Variants in ZNF350 observed in about 807,000 individuals in gnomAD.
The protein encoded by ZNF350 is zinc finger protein 350, also known as KRAB zinc finger protein ZFQR.
Under a neutral mutation model 13.1 loss-of-function variants are expected in ZNF350, and 5 were observed. The ratio of observed to expected loss-of-function variants is 0.38; its 90% CI spans 0.20 to 0.80. The LOEUF is 0.80. ZNF350 is among the 30% of genes least tolerant of loss of function. ZNF350 has a pLI of 0.43. For missense variants in ZNF350, 534 were observed against 644.2 expected (o/e 0.83, Z 1.85); for synonymous variants, 199 against 224.2 (o/e 0.89, Z 1.00).
rs569505051 is a variant in ZNF350 at position 51,964,872 on chromosome 19, A to G, written c.1581T>C (p.Tyr527=). ...TTTCTTCCTATGGGTTTTCTGTAAC[A>G]TAAAATAAGACATAATTGATCACGG... ...VPSVINYVLF[Y]VTENP Residue 527 remains tyrosine (Y), a synonymous_variant, in exon 5 of 5, where the codon TAT becomes TAC. Transcript: ENST00000243644. 1.2e-5 allele frequency: 20 copies of G among 1,608,082 alleles called. No individual in the cohort carries two copies. In the East Asian group the frequency reaches 3.1e-4, roughly 25 times the overall value.
rs1322889405 is a variant in ZNF350, at chr19:51,966,273, G to GT, written c.239-60dup. On this transcript the variant is annotated intron_variant, in intron 4 of 4. Transcript: ENST00000243644. ...AGATTTGGGGTAAAAGTTTGTTGTG[G>GT]TTTTTTTGTTTTTTTTGTTTTTTTT... The GT allele has an allele frequency of 5.3e-5, 77 of 1,457,572 alleles. No homozygotes were observed. In the African/African-American group the frequency reaches 7.9e-4, roughly 15 times the overall value. 90.3% of individuals were successfully genotyped at this position (1,457,572 alleles called of 1,614,324 possible).
intron 1 of ZNF350, among the ~76,000 whole-genome samples, chr19:51,982,842 A>G: frequency 6.6e-6 from 1 of 152,206 alleles, no homozygotes; most frequent in Non-Finnish European, 1.5e-5. Context: ...GCACATATAG[A>G]GACTCAATGG....
chr19:51,979,451 A>G (rs1328495051), intron 1 of ZNF350, among the ~76,000 whole-genome samples: 1 of 152,180 alleles, frequency 6.6e-6, no homozygotes. Flanking sequence ...GTCATTAATT[A>G]TACCACTCCA....
chr19:51,983,913 A>C (rs2086113088), intron 1 of ZNF350: 1 of 152,252 alleles, frequency 6.6e-6, no homozygotes, highest in African/African-American at 2.4e-5. Flanking sequence ...CTTGCAAAAA[A>C]TACCCACAGG....
chr19:51,985,761 C>T (rs1351989356), intron 1 of ZNF350, among the ~76,000 whole-genome samples: 1 of 152,144 alleles, frequency 6.6e-6, no homozygotes, highest in Non-Finnish European at 1.5e-5. Flanking sequence ...AATCCCAGCA[C>T]TTTGGAAAGC....
intron 1 of ZNF350, among the ~76,000 whole-genome samples, chr19:51,984,756 A>G (rs1179469697): frequency 6.6e-6 from 1 of 152,198 alleles, no homozygotes; most frequent in Non-Finnish European, 1.5e-5. Flanking sequence ...AGACTGTAAA[A>G]CAAAAAGCAA....
At chr19:51,967,846 T>C (rs2085622624) in intron 4 of ZNF350, among the ~76,000 whole-genome samples, 1 of 152,134 alleles carries the variant, frequency 6.6e-6, no homozygotes, top group Non-Finnish European at 1.5e-5. Flanking sequence ...AATGGTTTTC[T>C]TGGAGGAAAG....
intron 1 of ZNF350, chr19:51,981,324 T>A (rs772910729): frequency 5.9e-5 from 9 of 151,300 alleles, no homozygotes; most frequent in Non-Finnish European, 1.2e-4. Context: ...AGGGCCCTTG[T>A]CCACTAGAGG....
In ZNF350 at chr19:51,965,049, G is replaced by A; in HGVS notation, c.1404C>T (p.Ala468=). Residue 468 remains alanine (A), a synonymous_variant, in exon 5 of 5, where the codon GCC becomes GCT. Coordinates refer to ENST00000243644, the MANE Select transcript of ZNF350 (RefSeq NM_021632.4). ...CGCTGATGTTTAATGATGTCTGAGG[G>A]GCCACAGAAGGCACTTGTGTAGTCG... ...NGATTQVPSV[A]PQTSLNISGL... The A allele has an allele frequency of 6.2e-7, 1 of 1,614,106 alleles. No individual in the cohort carries two copies. The highest frequency in any genetic ancestry group is 8.5e-7 in the Non-Finnish European group (1 of 1,180,018).
rs144494899 is a variant in ZNF350, at chr19:51,966,398, C to T, written c.239-184G>A. The stretch of plus-strand genomic sequence containing the variant: ...TCCCGGGTTCAAGGGATTCTCCTGC[C>T]TCAGCCTCCCAAGTTGCTGGGATTA... On this transcript the variant is annotated intron_variant, in intron 4 of 4. Coordinates refer to ENST00000243644, the MANE Select transcript of ZNF350 (RefSeq NM_021632.4). Among the ~76,000 whole-genome samples the T allele has an allele frequency of 4.0e-3, 599 of 151,594 alleles. 4 individuals are homozygous for T. The highest frequency in any genetic ancestry group is 0.014 in the African/African-American group (579 of 41,290).
chr19:51,975,775 C>G (rs973684528), intron 1 of ZNF350, among the ~76,000 whole-genome samples: 1 of 152,254 alleles, frequency 6.6e-6, no homozygotes, highest in Non-Finnish European at 1.5e-5. Context: ...GAGTCTCACT[C>G]TGTCGCCCAG....
intron 1 of ZNF350, among the ~76,000 whole-genome samples, chr19:51,979,898 G>C (rs932357159): frequency 1.3e-5 from 2 of 152,220 alleles, no homozygotes; most frequent in African/African-American, 4.8e-5. Context: ...GCTTGGCATG[G>C]AGCAGGCTTT....
intron 1 of ZNF350, among the ~76,000 whole-genome samples, chr19:51,983,832 C>T (rs185399423): frequency 2.3e-3 from 343 of 152,272 alleles, no homozygotes; most frequent in Non-Finnish European, 3.6e-3. Context: ...ACACCAGTCC[C>T]CTGGGCCCAC....
intron 2 of ZNF350, among the ~76,000 whole-genome samples, chr19:51,970,210 C>T (rs1052787895): frequency 1.3e-4 from 19 of 151,752 alleles, no homozygotes; most frequent in Non-Finnish European, 2.5e-4. Context: ...TACAGGTGCC[C>T]GCCACCACAA....
intron 2 of ZNF350, among the ~76,000 whole-genome samples, chr19:51,971,615 G>A (rs1233180923): frequency 6.6e-6 from 1 of 152,192 alleles, no homozygotes; most frequent in Non-Finnish European, 1.5e-5. Flanking sequence ...AGAGAATGTA[G>A]TCTTGCAAGC....
In ZNF350 at chr19:51,974,522, G is replaced by T. The variant is rs916280207; in HGVS notation, c.-162C>A. The T allele has an allele frequency of 1.4e-5, 11 of 812,092 alleles. No individual in the cohort carries two copies. The highest frequency in any genetic ancestry group is 1.8e-5 in the Non-Finnish European group (9 of 503,908). 50.3% of individuals were successfully genotyped at this position (812,092 alleles called of 1,614,324 possible). Reference sequence around the variant, plus strand: ...TCAGGTTATGTTTTTTGCTCCTGAGGAGTCAGAACCTGTGGGTTGAAGAGC... The same window carrying T: ...TCAGGTTATGTTTTTTGCTCCTGAGTAGTCAGAACCTGTGGGTTGAAGAGC... On this transcript the variant is annotated 5_prime_UTR_variant, in exon 2 of 5. Coordinates refer to ENST00000243644, the MANE Select transcript of ZNF350 (RefSeq NM_021632.4).
chr19:51,978,411 C>T (rs1473773341), intron 1 of ZNF350, among the ~76,000 whole-genome samples: 1 of 152,136 alleles, frequency 6.6e-6, no homozygotes, highest in Non-Finnish European at 1.5e-5. Flanking sequence ...TGACTGACTC[C>T]GATTATGAAG....
rs2085830369 is a variant in ZNF350, at chr19:51,974,469, G to A, written c.-109C>T. 7.4e-7 allele frequency: 1 copy of A among 1,343,462 alleles called. No homozygotes were observed. Among genetic ancestry groups the A allele is most frequent in the Non-Finnish European group, 1.1e-6 (1 of 950,924 alleles). The allele number at this position is 1,343,462 out of a possible 1,614,324, so 83.2% of individuals were successfully genotyped here. On this transcript the variant is annotated 5_prime_UTR_variant, in exon 2 of 5. Transcript: ENST00000243644. The stretch of plus-strand genomic sequence containing the variant: ...TCAATCAAGTGTGCCCCAAGAAATG[G>A]TGAACCCCAAATCCACTTCCTCCCT...
At chr19:51,966,254 G>T in intron 4 of ZNF350, 40 bp from the exon 5 acceptor site, 2 of 1,512,768 alleles carry the variant, frequency 1.3e-6, no homozygotes, top group South Asian at 1.4e-5. Flanking sequence ...ATTTAGATTT[G>T]GGGTAAAAGT....
Sources: gnomAD v4.1 joint callset for allele counts (sites outside exome capture counted in the v4.1 genomes callset) on GRCh38, gnomAD v4.1.1 for gene constraint, MANE v1.5 for transcripts, NCBI Gene and HGNC (gene_info 2026-07-23, HGNC 2026-07-21) for gene names.